DSCAML1: variants seen among roughly 807,000 people sequenced by gnomAD.
DSCAML1 encodes the protein cell adhesion molecule DSCAML1.
In DSCAML1, 38 loss-of-function variants were observed where a neutral mutation model predicts 200.5. The ratio of observed to expected loss-of-function variants is 0.19; its 90% CI spans 0.15 to 0.25. DSCAML1 has a LOEUF of 0.25. Among genes scored for constraint, DSCAML1 ranks in the 10% least tolerant of loss-of-function variants. DSCAML1 has a pLI of 1.00. For synonymous variants in DSCAML1, 1,215 were observed against 1,165.0 expected (o/e 1.04, Z -0.87); for missense variants, 2,223 against 2,858.8 (o/e 0.78, Z 5.07).
intron 3 of DSCAML1, among the ~76,000 whole-genome samples, chr11:117,743,696 G>A (rs1254316814): frequency 2.6e-5 from 4 of 152,158 alleles, no homozygotes; most frequent in South Asian, 2.1e-4. Flanking sequence ...TGCTTCAAAC[G>A]CTCTCTCATT....
intron 3 of DSCAML1, among the ~76,000 whole-genome samples, chr11:117,589,818 A>G (rs1322177662): frequency 6.6e-6 from 1 of 152,186 alleles, no homozygotes; most frequent in Non-Finnish European, 1.5e-5. Context: ...TTTGACATCA[A>G]TGAGGTGCGG....
At chr11:117,635,815 G>A (rs905702703) in intron 3 of DSCAML1, among the ~76,000 whole-genome samples, 3 of 152,140 alleles carry the variant, frequency 2.0e-5, no homozygotes, top group Non-Finnish European at 2.9e-5. Flanking sequence ...AAGTCATAAC[G>A]CTGGGTGGGA....
intron 3 of DSCAML1, among the ~76,000 whole-genome samples, chr11:117,599,541 G>A (rs574030651): frequency 8.2e-4 from 125 of 152,278 alleles, no homozygotes; most frequent in South Asian, 2.1e-3. Flanking sequence ...TTTGGGATGG[G>A]TTCTGAGCCC....
At chr11:117,547,709 G>T (rs992000576) in intron 3 of DSCAML1, among the ~76,000 whole-genome samples, 4 of 152,200 alleles carry the variant, frequency 2.6e-5, no homozygotes, top group African/African-American at 9.7e-5. Context: ...TGTAAGACTT[G>T]TGGTCTTATC....
Position 117,428,218 on chromosome 11 carries a change from G to T in DSCAML1, c.*110C>A. On this transcript the variant is annotated 3_prime_UTR_variant, in exon 33 of 33. Coordinates refer to ENST00000651296, the MANE Select transcript of DSCAML1 (RefSeq NM_020693.4). ...GATTGGGGGTTTTTGTTTTGTCGTT[G>T]GTTGGTTTTTGTCTGTCAGTTGAAT... 1.4e-6 allele frequency: 1 copy of T among 690,992 alleles called. No individual in the cohort carries two copies. The allele number at this position is 690,992 out of a possible 1,614,324, so 42.8% of individuals were successfully genotyped here. A position where few individuals can be genotyped will look rare whatever the true frequency, so the allele number is the denominator to read the frequency against.
Position 117,471,953 on chromosome 11 carries a change from C to A in DSCAML1, c.2869G>T (p.Val957Leu). Reference sequence around the variant, plus strand: ...AAAGAGTACATGCGGATGCTGTACACAGATGCCGGGTGCAAGTCCACAATG... The same window carrying A: ...AAAGAGTACATGCGGATGCTGTACAAAGATGCCGGGTGCAAGTCCACAATG... ...ANIVDLHPAS[V>L]YSIRMYSFNK... is the part of the protein sequence containing the mutation. Residue 957 changes from valine to leucine, a missense_variant, in exon 15 of 33, where the codon GTG (valine) becomes TTG (leucine). Coordinates refer to ENST00000651296, the MANE Select transcript of DSCAML1 (RefSeq NM_020693.4). The A allele has an allele frequency of 6.2e-7, 1 of 1,614,152 alleles. No individual in the cohort carries two copies. Among genetic ancestry groups the A allele is most frequent in the African/African-American group, 1.3e-5 (1 of 75,048 alleles).
chr11:117,534,809 G>A (rs914600004), intron 3 of DSCAML1, among the ~76,000 whole-genome samples: 8 of 152,130 alleles, frequency 5.3e-5, no homozygotes, highest in East Asian at 1.9e-4. Flanking sequence ...ATGAGGTCTC[G>A]CTATGTTGCC....
chr11:117,452,290 ATAT>A (rs1380827694), intron 19 of DSCAML1, among the ~76,000 whole-genome samples: 1 of 152,136 alleles, frequency 6.6e-6, no homozygotes, highest in Non-Finnish European at 1.5e-5. Context: ...TTTTGAGGCG[ATAT>A]TATTGAGTAC....
rs1006651407 is a variant in DSCAML1, at chr11:117,672,121, A to G, written c.511+104670T>C. 2.9e-3 allele frequency among the ~76,000 whole-genome samples: 428 copies of G among 147,564 alleles called. 15 individuals carry two copies. Among genetic ancestry groups the G allele is most frequent in the Non-Finnish European group, 8.9e-4 (59 of 66,560 alleles). Reference sequence around the variant, plus strand: ...AGCTCAGAAAAAAAAAAAAAAAAAAAAAGAAGAAACCTTGGGCCTCATCCA... The same window carrying G: ...AGCTCAGAAAAAAAAAAAAAAAAAAGAAGAAGAAACCTTGGGCCTCATCCA... On this transcript the variant is annotated intron_variant, in intron 3 of 32. Coordinates refer to ENST00000651296, the MANE Select transcript of DSCAML1 (RefSeq NM_020693.4).
intron 19 of DSCAML1, among the ~76,000 whole-genome samples, chr11:117,457,148 G>A (rs1171762561): frequency 6.6e-6 from 1 of 152,222 alleles, no homozygotes; most frequent in Non-Finnish European, 1.5e-5. Flanking sequence ...CCAGGCTGGG[G>A]GCATGCACTT....
chr11:117,740,144 A>G (rs1738966990), intron 3 of DSCAML1, among the ~76,000 whole-genome samples: 1 of 152,196 alleles, frequency 6.6e-6, no homozygotes, highest in African/African-American at 2.4e-5. Context: ...GGGCTGGACA[A>G]CTACCCACAG....
intron 3 of DSCAML1, among the ~76,000 whole-genome samples, chr11:117,624,827 T>C (rs1337663204): frequency 6.6e-6 from 1 of 152,174 alleles, no homozygotes; most frequent in African/African-American, 2.4e-5. Flanking sequence ...CAAAGATTTC[T>C]CTGGCAGGGG....
intron 11 of DSCAML1, among the ~76,000 whole-genome samples, chr11:117,487,619 G>C (rs1460462468): frequency 6.6e-6 from 1 of 152,188 alleles, no homozygotes; most frequent in African/African-American, 2.4e-5. Flanking sequence ...ATAATTACAA[G>C]CTCAGGTTAT....
intron 3 of DSCAML1, among the ~76,000 whole-genome samples, chr11:117,570,336 C>T (rs2050827896): frequency 6.6e-6 from 1 of 152,156 alleles, no homozygotes; most frequent in Non-Finnish European, 1.5e-5. Context: ...ATAGAACATG[C>T]CGTTCTGCTT....
At chr11:117,554,827 C>T (rs1247072244) in intron 3 of DSCAML1, among the ~76,000 whole-genome samples, 2 of 152,194 alleles carry the variant, frequency 1.3e-5, no homozygotes, top group Non-Finnish European at 2.9e-5. Flanking sequence ...TGCCAGTCCC[C>T]AGACTCCTTG....
At chr11:117,794,032 G>C (rs2055526149) in intron 1 of DSCAML1, among the ~76,000 whole-genome samples, 1 of 142,702 alleles carries the variant, frequency 7.0e-6, no homozygotes, top group Non-Finnish European at 1.5e-5. Context: ...TTTCCCCATT[G>C]CCCCCCCCCC....
intron 3 of DSCAML1, among the ~76,000 whole-genome samples, chr11:117,728,482 G>A (rs1022672866): frequency 4.2e-4 from 64 of 152,244 alleles, no homozygotes; most frequent in African/African-American, 1.4e-3. Context: ...GATTGAAAAG[G>A]AAGAAGTAAA....
At chr11:117,557,798 T>G (rs1299646573) in intron 3 of DSCAML1, among the ~76,000 whole-genome samples, 1 of 149,468 alleles carries the variant, frequency 6.7e-6, no homozygotes, top group Non-Finnish European at 1.5e-5. Flanking sequence ...TTTAGGGGCC[T>G]AGATCTATCT....
chr11:117,573,655 C>G (rs560134641), intron 3 of DSCAML1, among the ~76,000 whole-genome samples: 1 of 152,354 alleles, frequency 6.6e-6, no homozygotes, highest in South Asian at 2.1e-4. Flanking sequence ...TGTCGCCGAC[C>G]ACTTCAGTGC....
Sources: allele counts gnomAD v4.1 joint callset (sites outside exome capture counted in the v4.1 genomes callset), GRCh38; gene constraint gnomAD v4.1.1; transcripts MANE v1.5; gene names NCBI Gene and HGNC (gene_info 2026-07-23, HGNC 2026-07-21).